SECISBP2L: variants seen among roughly 807,000 people sequenced by gnomAD.
SECISBP2L encodes selenocysteine insertion sequence-binding protein 2-like.
SECISBP2L carries 43 observed loss-of-function variants against 114.7 expected under a neutral mutation model. The ratio of observed to expected loss-of-function variants is 0.38; its 90% CI spans 0.29 to 0.48. The LOEUF (loss-of-function observed/expected upper bound fraction) is 0.48. Ranked by LOEUF, SECISBP2L falls within the 20% of genes least tolerant of loss-of-function variation. The pLI, the probability that SECISBP2L is intolerant of heterozygous loss-of-function variation, is 0.98. For missense variants in SECISBP2L, 1,136 were observed against 1,301.1 expected, an observed-to-expected ratio of 0.87 and a Z score of 1.95; for synonymous variants, 451 against 439.7, an observed-to-expected ratio of 1.03 and a Z score of -0.32.
chr15:49,034,608 C>A (rs1216471885), intron 3 of SECISBP2L, among the ~76,000 whole-genome samples: 1 of 150,896 alleles, frequency 6.6e-6, no homozygotes, highest in Non-Finnish European at 1.5e-5. Flanking sequence ...TCTAATGAAC[C>A]ACAAATGTTC....
At chr15:49,032,582 G>A (rs1201144461) in intron 4 of SECISBP2L, among the ~76,000 whole-genome samples, 1 of 152,096 alleles carries the variant, frequency 6.6e-6, no homozygotes, top group Admixed American at 6.6e-5. Context: ...TTTCTACAAA[G>A]ATATATAGGA....
chr15:49,016,792 T>C, intron 10 of SECISBP2L, 56 bp downstream of exon 10: 7 of 1,573,286 alleles, frequency 4.4e-6, no homozygotes, highest in South Asian at 1.2e-5. Context: ...CTTCTATCTA[T>C]TCCATCAAAC....
chr15:49,017,350 T>C (rs1285330324), intron 9 of SECISBP2L, among the ~76,000 whole-genome samples, 198 bp downstream of exon 9: 3 of 152,204 alleles, frequency 2.0e-5, no homozygotes, highest in African/African-American at 4.8e-5. Context: ...ATTTTAGTAA[T>C]AGAACTGTGG....
At chr15:48,999,391 A>G (rs747491756) in intron 16 of SECISBP2L, among the ~76,000 whole-genome samples, 11 of 152,202 alleles carry the variant, frequency 7.2e-5, no homozygotes, top group Non-Finnish European at 1.6e-4. Flanking sequence ...CATGGGTACA[A>G]TCATTGTGAC....
intron 4 of SECISBP2L, among the ~76,000 whole-genome samples, chr15:49,029,383 T>A (rs1354560624): frequency 6.6e-6 from 1 of 152,204 alleles, no homozygotes; most frequent in East Asian, 1.9e-4. Context: ...ATTTCTGTAT[T>A]TCTAAAACCT....
At chr15:48,993,845 T>C (rs1902037979) in intron 17 of SECISBP2L, among the ~76,000 whole-genome samples, 2 of 152,200 alleles carry the variant, frequency 1.3e-5, no homozygotes, top group African/African-American at 4.8e-5. Flanking sequence ...CACCCCTGTA[T>C]TTTTTCAAAT....
chr15:49,030,044 GT>G (rs1449108677), intron 4 of SECISBP2L, among the ~76,000 whole-genome samples: 2 of 70,516 alleles, frequency 2.8e-5, no homozygotes, highest in Non-Finnish European at 3.3e-5. Context: ...TACCAAGACA[GT>G]CCAAAAAAAA....
intron 13 of SECISBP2L, among the ~76,000 whole-genome samples, chr15:49,011,366 A>G (rs888637952): frequency 6.6e-6 from 1 of 152,228 alleles, no homozygotes; most frequent in Non-Finnish European, 1.5e-5. Flanking sequence ...TGACTCAATG[A>G]AAAGTAGCCC....
Position 49,016,929 on chromosome 15 carries a change from A to T in SECISBP2L, c.1338T>A (p.Ser446Arg). The change falls in exon 10 of 18, where the codon AGT becomes AGA. Residue 446 changes from serine (S) to arginine (R), a missense_variant. Transcript: ENST00000559471. Reference protein sequence around the residue: ...ITTSVPKRAKSQKKKALAAAL... With the variant: ...ITTSVPKRAKRQKKKALAAAL... ...CTGCTGCTAAAGCTTTCTTCTTCTG[A>T]CTTTTTGCACGTTTGGGAACTGAGG... is the stretch of plus-strand genomic sequence containing the variant. The T allele has an allele frequency of 6.2e-7, 1 of 1,613,954 alleles. No individual in the cohort carries two copies. The highest frequency in any genetic ancestry group is 8.5e-7 in the Non-Finnish European group (1 of 1,179,950).
Position 48,990,542 on chromosome 15 carries a change from A to C in SECISBP2L, c.*1702T>G, listed in dbSNP as rs1901951780. ...ATGTCCCCTTTTAGCACAATAATAA[A>C]GTTGATTGACTAACATTTTCTACAC... On this transcript the variant is annotated 3_prime_UTR_variant, in exon 18 of 18. Coordinates refer to ENST00000559471, the MANE Select transcript of SECISBP2L (RefSeq NM_001193489.2). The C allele has an allele frequency of 6.6e-6, 1 of 152,566 alleles. No homozygotes were observed. The highest frequency in any genetic ancestry group is 2.1e-4 in the South Asian group (1 of 4,834). 9.5% of individuals were successfully genotyped at this position (152,566 alleles called of 1,614,324 possible).
At chr15:49,012,912 C>T in intron 11 of SECISBP2L, 95 bp from the exon 12 acceptor site, 1 of 1,289,578 alleles carries the variant, frequency 7.8e-7, no homozygotes, top group Non-Finnish European at 1.1e-6. Context: ...CATCCTCCTC[C>T]CATGGAAAAA....
intron 11 of SECISBP2L, 62 bp downstream of exon 11, chr15:49,016,498 T>A: frequency 6.6e-7 from 1 of 1,506,738 alleles, no homozygotes; most frequent in Non-Finnish European, 8.9e-7. Context: ...AAATTTCGAT[T>A]AACAACATCT....
At chr15:49,032,415 G>A (rs1320674283) in intron 4 of SECISBP2L, among the ~76,000 whole-genome samples, 2 of 152,158 alleles carry the variant, frequency 1.3e-5, no homozygotes, top group Non-Finnish European at 2.9e-5. Context: ...CCAGGTGAAA[G>A]CTTTTTTATT....
intron 7 of SECISBP2L, among the ~76,000 whole-genome samples, chr15:49,023,928 A>G (rs1902690320): frequency 1.3e-5 from 2 of 152,234 alleles, no homozygotes; most frequent in Non-Finnish European, 2.9e-5. Flanking sequence ...GGAGAAGCAG[A>G]GGTGAAATGA....
At chr15:49,038,858 C>G (rs756845948) in intron 1 of SECISBP2L, among the ~76,000 whole-genome samples, 6 of 151,878 alleles carry the variant, frequency 4.0e-5, no homozygotes, top group Non-Finnish European at 5.9e-5. Context: ...CCTTAAAAGC[C>G]ATGGTCCTAG....
In SECISBP2L at chr15:48,992,667, A is replaced by G. The variant is rs1480466668; in HGVS notation, c.2883T>C (p.Thr961=). 1.2e-6 allele frequency: 2 copies of G among 1,614,208 alleles called. No individual in the cohort carries two copies. Among genetic ancestry groups the G allele is most frequent in the East Asian group, 2.2e-5 (1 of 44,888 alleles). Residue 961 remains threonine, a synonymous_variant, in exon 18 of 18, where the codon ACT becomes ACC. Transcript: ENST00000559471. Reference sequence around the variant, plus strand: ...CTCGGCAACTGCCATCCAAAGAGCCAGTCTCTGTACTCTGCTGTGAGGCCC... The same window carrying G: ...CTCGGCAACTGCCATCCAAAGAGCCGGTCTCTGTACTCTGCTGTGAGGCCC... ...LEWASQQSTE[T]GSLDGSCRDL... is the part of the protein sequence containing the mutation.
rs1454155399 is a variant in SECISBP2L at position 49,016,900 on chromosome 15, A to G, written c.1367T>C (p.Leu456Pro). 6.2e-7 allele frequency: 1 copy of G among 1,614,028 alleles called. No homozygotes were observed. Among genetic ancestry groups the G allele is most frequent in the Admixed American group, 1.7e-5 (1 of 60,000 alleles). The change falls in exon 10 of 18, where the codon CTT becomes CCT. Residue 456 changes from leucine (L) to proline (P), a missense_variant. Physicochemically the swap from Leu to Pro is moderately conservative, Grantham distance 98. Around this residue, in one of 2 missense-constraint regions of SECISBP2L, gnomAD observed 684 missense variants for 848.7 expected, o/e 0.81. Transcript: ENST00000559471. ...TTCTGAATACTCTTGAGCTGTGGCA[A>G]GGGCTGCTGCTAAAGCTTTCTTCTT... ...SQKKKALAAALATAQEYSEIS... is the reference protein window; with the variant it reads ...SQKKKALAAAPATAQEYSEIS...
chr15:48,996,306 T>C (rs564054026), intron 17 of SECISBP2L, 61 bp downstream of exon 17: 119 of 1,430,722 alleles, frequency 8.3e-5, no homozygotes, highest in Non-Finnish European at 1.0e-4. Context: ...AAAGGTAGAA[T>C]AGAAAGTCAT....
chr15:49,037,918 C>T, intron 1 of SECISBP2L, 149 bp from the exon 2 acceptor site: 1 of 527,372 alleles, frequency 1.9e-6, no homozygotes, highest in Non-Finnish European at 3.1e-6. Flanking sequence ...AGAGCAATGT[C>T]AATTTTAAAA....
Sources: allele counts gnomAD v4.1 joint callset (sites outside exome capture counted in the v4.1 genomes callset), GRCh38; gene constraint gnomAD v4.1.1; regional missense constraint gnomAD v4.1.1; transcripts MANE v1.5; gene names NCBI Gene and HGNC (gene_info 2026-07-23, HGNC 2026-07-21).